KIRREL1: variants seen among roughly 807,000 people sequenced by gnomAD.
The protein encoded by KIRREL1 is kirre like nephrin family adhesion molecule 1.
Under a neutral mutation model 83.3 loss-of-function variants are expected in KIRREL1, and 25 were observed. That is an observed-to-expected ratio of 0.30 (90% CI 0.22 to 0.42). The LOEUF (loss-of-function observed/expected upper bound fraction) is 0.42, where lower values mean the gene tolerates loss of function less well. Among genes scored for constraint, KIRREL1 ranks in the 10% least tolerant of loss-of-function variants. The pLI, the probability that KIRREL1 is intolerant of heterozygous loss-of-function variation, is 1.00. For synonymous variants in KIRREL1, 388 were observed against 410.4 expected, an observed-to-expected ratio of 0.95 and a Z score of 0.66; for missense variants, 812 against 1,032.3, an observed-to-expected ratio of 0.79 and a Z score of 2.92.
chr1:158,087,982 CCT>C (rs752446529), intron 6 of KIRREL1, 22 bp from the exon 7 acceptor site: 15 of 1,613,850 alleles, frequency 9.3e-6, no homozygotes, highest in East Asian at 6.7e-5. Flanking sequence ...CCTGATCCCA[CCT>C]CTGTGTTGCC....
chr1:158,010,396 T>TACACACACACACACACACACACACAC (rs56077512), intron 1 of KIRREL1, among the ~76,000 whole-genome samples: 1 of 44,586 alleles, frequency 2.2e-5, no homozygotes, highest in Non-Finnish European at 4.0e-5. Flanking sequence ...CACACATGCA[T>TACACACACACACACACACACACACAC]ACACACACAC....
At chr1:158,006,097 T>C (rs1364865724) in intron 1 of KIRREL1, among the ~76,000 whole-genome samples, 1 of 152,216 alleles carries the variant, frequency 6.6e-6, no homozygotes, top group East Asian at 1.9e-4. Context: ...ATCAATAGAT[T>C]GGGCTTCTTG....
rs536079107 is a variant in KIRREL1 at position 158,091,639 on chromosome 1, G to A, written c.1471+83G>A. On this transcript the variant is annotated intron_variant, in intron 11 of 14. Coordinates refer to ENST00000359209, the MANE Select transcript of KIRREL1 (RefSeq NM_018240.7). ...TTCTTTTCTCCAGGGGCAGGGCTCA[G>A]CTGCTCCCCTTCCCTTGGGCTCTGC... is the stretch of plus-strand genomic sequence containing the variant. The A allele has an allele frequency of 1.9e-5, 25 of 1,321,246 alleles. No homozygotes were observed. The East Asian group carries it at 5.3e-4, about 28-fold the overall frequency. 81.8% of individuals were successfully genotyped at this position (1,321,246 alleles called of 1,614,324 possible). A position where few individuals can be genotyped will look rare whatever the true frequency, so the allele number is the denominator to read the frequency against.
At chr1:158,059,885 T>G (rs1204007409) in intron 1 of KIRREL1, among the ~76,000 whole-genome samples, 1 of 152,168 alleles carries the variant, frequency 6.6e-6, no homozygotes, top group African/African-American at 2.4e-5. Flanking sequence ...GAGTGATTGC[T>G]AGGATTAGGT....
intron 3 of KIRREL1, among the ~76,000 whole-genome samples, chr1:158,083,297 G>A (rs1330328446): frequency 6.6e-6 from 1 of 152,212 alleles, no homozygotes; most frequent in East Asian, 1.9e-4. Context: ...GGCAGGGTTC[G>A]ATAACTGTTA....
intron 13 of KIRREL1, 45 bp downstream of exon 13, chr1:158,093,807 TGAG>T (rs1208766884): frequency 1.2e-6 from 2 of 1,608,266 alleles, no homozygotes; most frequent in Non-Finnish European, 1.7e-6. Flanking sequence ...CTCCACCCTC[TGAG>T]GACCAGCTCC....
At chr1:158,055,974 C>T (rs1413883368) in intron 1 of KIRREL1, among the ~76,000 whole-genome samples, 1 of 152,196 alleles carries the variant, frequency 6.6e-6, no homozygotes, top group Non-Finnish European at 1.5e-5. Flanking sequence ...GTTTCTTACC[C>T]ATGAGCAGGC....
intron 1 of KIRREL1, among the ~76,000 whole-genome samples, chr1:158,061,720 G>A (rs768504391): frequency 6.6e-6 from 1 of 152,194 alleles, no homozygotes; most frequent in Non-Finnish European, 1.5e-5. Flanking sequence ...AATTTGGGGT[G>A]AGTAGAAAAG....
At chr1:158,070,509 A>G (rs1661481191) in intron 1 of KIRREL1, among the ~76,000 whole-genome samples, 2 of 152,210 alleles carry the variant, frequency 1.3e-5, no homozygotes. Context: ...CAAGGAAGAT[A>G]AATCAAAGCA....
intron 1 of KIRREL1, among the ~76,000 whole-genome samples, chr1:157,997,589 G>A (rs1260217525): frequency 3.3e-5 from 5 of 152,080 alleles, no homozygotes; most frequent in Non-Finnish European, 5.9e-5. Flanking sequence ...GACCCAGAAG[G>A]GGAAACTGAC....
chr1:158,002,633 G>T (rs1659395823), intron 1 of KIRREL1, among the ~76,000 whole-genome samples: 1 of 152,224 alleles, frequency 6.6e-6, no homozygotes, highest in African/African-American at 2.4e-5. Context: ...TCTCAGTATG[G>T]TGTGGGAGAT....
intron 7 of KIRREL1, 80 bp downstream of exon 7, chr1:158,088,234 A>C: frequency 6.2e-7 from 1 of 1,605,766 alleles, no homozygotes; most frequent in Non-Finnish European, 8.5e-7. Context: ...GGACTGCTCC[A>C]TGAATGGGGA....
chr1:158,073,128 G>A (rs1354166800), intron 1 of KIRREL1, among the ~76,000 whole-genome samples: 7 of 152,066 alleles, frequency 4.6e-5, no homozygotes, highest in Admixed American at 4.6e-4. Context: ...GGCTGTTTTG[G>A]GACCAGAAAA....
At chr1:158,029,746 A>G (rs1268828548) in intron 1 of KIRREL1, among the ~76,000 whole-genome samples, 1 of 152,244 alleles carries the variant, frequency 6.6e-6, no homozygotes, top group African/African-American at 2.4e-5. Flanking sequence ...GTGACATTGC[A>G]CAATTTATCT....
intron 1 of KIRREL1, among the ~76,000 whole-genome samples, chr1:157,994,670 A>G (rs1183662518): frequency 6.6e-6 from 1 of 151,964 alleles, no homozygotes; most frequent in Non-Finnish European, 1.5e-5. Flanking sequence ...TCTAAGGAAG[A>G]CTGAATCCTG....
At position 158,088,298 on chromosome 1, in the gene KIRREL1, C is replaced by T. The variant is rs753873106; in HGVS notation, c.917-29C>T. 4 of 1,602,394 alleles carry T rather than the reference C, an allele frequency of 2.5e-6. No homozygotes were observed. The Admixed American group carries it at 6.9e-5, about 28-fold the overall frequency. On this transcript the variant is annotated intron_variant, in intron 7 of 14. Coordinates refer to ENST00000359209, the MANE Select transcript of KIRREL1 (RefSeq NM_018240.7). Reference sequence around the variant, plus strand: ...GAGTTAACCCCATGAGCTTGAGACCCTAACGAGTGGCTTCTTTCTCCCTCA... The same window carrying T: ...GAGTTAACCCCATGAGCTTGAGACCTTAACGAGTGGCTTCTTTCTCCCTCA...
chr1:158,047,496 A>C (rs1485824863), intron 1 of KIRREL1, among the ~76,000 whole-genome samples: 3 of 152,222 alleles, frequency 2.0e-5, no homozygotes, highest in Non-Finnish European at 4.4e-5. Context: ...AGACTTAAAA[A>C]GGCACTTGAA....
Position 158,059,195 on chromosome 1 carries a change from T to G in KIRREL1, c.53-16918T>G, listed in dbSNP as rs73022668. On this transcript the variant is annotated intron_variant, in intron 1 of 14. Coordinates refer to ENST00000359209, the MANE Select transcript of KIRREL1 (RefSeq NM_018240.7). ...GTTCTGCCTTCCAAACTGGAGTCCTTTCACTTACTCCCTGTCAGATTTCTC... is the reference window on the plus strand; with the variant it reads ...GTTCTGCCTTCCAAACTGGAGTCCTGTCACTTACTCCCTGTCAGATTTCTC... 4.1e-3 allele frequency among the ~76,000 whole-genome samples: 624 copies of G among 152,280 alleles called. 5 individuals carry two copies. Among genetic ancestry groups the G allele is most frequent in the African/African-American group, 0.014 (600 of 41,558 alleles).
chr1:158,035,920 A>G (rs536160241), intron 1 of KIRREL1, among the ~76,000 whole-genome samples: 4 of 152,318 alleles, frequency 2.6e-5, no homozygotes, highest in African/African-American at 7.2e-5. Flanking sequence ...AGAAACCTAC[A>G]GAGCCCTACA....
Sources: gnomAD v4.1 joint callset for allele counts (sites outside exome capture counted in the v4.1 genomes callset) on GRCh38, gnomAD v4.1.1 for gene constraint, MANE v1.5 for transcripts, NCBI Gene and HGNC (gene_info 2026-07-23, HGNC 2026-07-21) for gene names.